TMEM232: variants seen among roughly 807,000 people sequenced by gnomAD.
TMEM232 encodes transmembrane protein 232.
Under a neutral mutation model 78.8 loss-of-function variants are expected in TMEM232, and 80 were observed. The ratio of observed to expected loss-of-function variants is 1.01; its 90% CI spans 0.85 to 1.22. The LOEUF is 1.22. TMEM232 is among the 50% of genes most tolerant of loss of function. The pLI is 0.00. For missense variants in TMEM232, 881 were observed against 742.2 expected, an observed-to-expected ratio of 1.19 and a Z score of -2.17; for synonymous variants, 297 against 254.3, an observed-to-expected ratio of 1.17 and a Z score of -1.60.
Position 110,614,308 on chromosome 5 carries a change from T to C in TMEM232, c.902+4121A>G, listed in dbSNP as rs138061687. On this transcript the variant is annotated intron_variant, in intron 8 of 13. Coordinates refer to ENST00000455884, the MANE Select transcript of TMEM232 (RefSeq NM_001039763.4). ...ACTAGAATGACAGTTGAATGATGCA[T>C]TGGAGAGAGTGCTATATCGAAACTC... Among the ~76,000 whole-genome samples the C allele has an allele frequency of 9.8e-3, 1,485 of 152,206 alleles. 34 individuals are homozygous for C. Among genetic ancestry groups the C allele is most frequent in the African/African-American group, 0.033 (1,386 of 41,562 alleles).
intron 2 of TMEM232, among the ~76,000 whole-genome samples, chr5:110,648,328 C>T (rs945514312): frequency 2.0e-5 from 3 of 152,060 alleles, no homozygotes; most frequent in African/African-American, 4.8e-5. Context: ...AAACCACCAA[C>T]TGGAAAACAG....
chr5:110,729,943 T>C (rs1363291762), upstream of TMEM232, among the ~76,000 whole-genome samples: 1 of 152,240 alleles, frequency 6.6e-6, no homozygotes, highest in Non-Finnish European at 1.5e-5. Context: ...ACGCAATGAC[T>C]GTTCTCTCAG....
chr5:110,696,516 C>T (rs1269158786), intron 1 of TMEM232, among the ~76,000 whole-genome samples: 4 of 152,062 alleles, frequency 2.6e-5, no homozygotes, highest in Admixed American at 6.6e-5. Context: ...TCAAATTGTC[C>T]CTGTTTGCAG....
intron 2 of TMEM232, among the ~76,000 whole-genome samples, chr5:110,408,394 C>T (rs1179299210): frequency 6.6e-6 from 1 of 152,082 alleles, no homozygotes; most frequent in Non-Finnish European, 1.5e-5. Flanking sequence ...GAATTCGACA[C>T]CAGCCTGGCC....
At chr5:110,688,216 T>C (rs1386931147) in intron 1 of TMEM232, among the ~76,000 whole-genome samples, 1 of 152,172 alleles carries the variant, frequency 6.6e-6, no homozygotes, top group Non-Finnish European at 1.5e-5. Context: ...TCTATATGGA[T>C]AACCATATAG....
chr5:110,638,132 G>C, intron 5 of TMEM232, 66 bp downstream of exon 5: 1 of 1,228,462 alleles, frequency 8.1e-7, no homozygotes, highest in Non-Finnish European at 1.1e-6. Context: ...TCCTAAAACA[G>C]ATGTCATGTT....
intron 12 of TMEM232, among the ~76,000 whole-genome samples, chr5:110,499,255 C>A (rs1423826590): frequency 6.6e-6 from 1 of 152,024 alleles, no homozygotes; most frequent in Non-Finnish European, 1.5e-5. Flanking sequence ...AACAGAATGC[C>A]AAACTAGACT....
intron 1 of TMEM232, among the ~76,000 whole-genome samples, chr5:110,723,134 G>T (rs1797813347): frequency 6.6e-6 from 1 of 152,088 alleles, no homozygotes; most frequent in South Asian, 2.1e-4. Flanking sequence ...GAACCTATCT[G>T]GGCCTGGTAC....
At chr5:110,712,833 T>A (rs187708952) in intron 1 of TMEM232, among the ~76,000 whole-genome samples, 7 of 152,176 alleles carry the variant, frequency 4.6e-5, no homozygotes, top group Non-Finnish European at 1.0e-4. Flanking sequence ...GTACAACTAC[T>A]ATGGAGAACA....
chr5:110,629,352 CT>C (rs1362820716), intron 5 of TMEM232, among the ~76,000 whole-genome samples: 1 of 152,096 alleles, frequency 6.6e-6, no homozygotes, highest in Non-Finnish European at 1.5e-5. Flanking sequence ...TGGATTTCAC[CT>C]GACCCAGAGA....
chr5:110,638,143 G>T (rs959685917), intron 5 of TMEM232, 55 bp downstream of exon 5: 2 of 1,313,486 alleles, frequency 1.5e-6, no homozygotes, highest in Non-Finnish European at 1.0e-6. Flanking sequence ...ATGTCATGTT[G>T]TTACATGTAG....
chr5:110,463,489 C>T lies in TMEM232; in HGVS notation c.1704-38573G>A, dbSNP rs1300255124. Among the ~76,000 whole-genome samples, 3 of 152,282 alleles carry T rather than the reference C, an allele frequency of 2.0e-5. No individual in the cohort carries two copies. The East Asian group carries it at 5.8e-4, about 29-fold the overall frequency. On this transcript the variant is annotated intron_variant, in intron 12 of 13. Transcript: ENST00000455884. ...GTCTAGAATCCAACTTGCAATATCT[C>T]TGAGTTATGCTTATATACATATCAT...
At chr5:110,651,768 T>A (rs1195192945) in intron 2 of TMEM232, among the ~76,000 whole-genome samples, 2 of 151,854 alleles carry the variant, frequency 1.3e-5, no homozygotes, top group Admixed American at 6.6e-5. Context: ...GGTTATGGGG[T>A]GGGGCAAGGG....
chr5:110,738,469 T>A (rs1483858824), upstream of TMEM232, among the ~76,000 whole-genome samples: 2 of 152,208 alleles, frequency 1.3e-5, no homozygotes, highest in Non-Finnish European at 2.9e-5. Flanking sequence ...ACCCCCGACG[T>A]GCACTTCAAC....
At chr5:110,721,489 A>G (rs1370148538) in intron 1 of TMEM232, among the ~76,000 whole-genome samples, 3 of 150,940 alleles carry the variant, frequency 2.0e-5, no homozygotes, top group African/African-American at 7.3e-5. Context: ...ATATTCCTCA[A>G]TTCCGAGAGA....
At chr5:110,426,169 T>A (rs1757212064) in intron 12 of TMEM232, among the ~76,000 whole-genome samples, 2 of 151,954 alleles carry the variant, frequency 1.3e-5, no homozygotes, top group Admixed American at 1.3e-4. Context: ...TAATGCCTAC[T>A]CACCCTTCAG....
At chr5:110,604,379 T>TG (rs949756717) in intron 10 of TMEM232, among the ~76,000 whole-genome samples, 1 of 152,200 alleles carries the variant, frequency 6.6e-6, no homozygotes, top group African/African-American at 2.4e-5. Flanking sequence ...TACTATTTGA[T>TG]GGACTATAAG....
At chr5:110,595,829 G>A (rs1780090135) in intron 10 of TMEM232, among the ~76,000 whole-genome samples, 1 of 152,124 alleles carries the variant, frequency 6.6e-6, no homozygotes, top group Non-Finnish European at 1.5e-5. Context: ...TGGGGAGAAT[G>A]GAACCAAGTT....
chr5:110,416,668 T>G (rs144057316), downstream of TMEM232, among the ~76,000 whole-genome samples: 3 of 152,164 alleles, frequency 2.0e-5, no homozygotes, highest in Non-Finnish European at 1.5e-5. Flanking sequence ...AATAATTAAC[T>G]AGTAGACAGT....
Sources: allele counts gnomAD v4.1 joint callset (sites outside exome capture counted in the v4.1 genomes callset), GRCh38; gene constraint gnomAD v4.1.1; transcripts MANE v1.5; gene names NCBI Gene and HGNC (gene_info 2026-07-23, HGNC 2026-07-21).